FBXL19: variants seen among roughly 807,000 people sequenced by gnomAD.
FBXL19 encodes the protein F-box/LRR-repeat protein 19.
A neutral mutation model predicts 71.2 loss-of-function variants in FBXL19; 16 were observed. The observed-to-expected ratio is 0.22, with a 90% confidence interval of 0.15 to 0.34. The LOEUF is 0.34. Ranked by LOEUF, FBXL19 falls within the 10% of genes least tolerant of loss-of-function variation. FBXL19 has a pLI of 1.00. For missense variants in FBXL19, 658 were observed against 968.2 expected, an observed-to-expected ratio of 0.68 and a Z score of 4.25; for synonymous variants, 447 against 409.4, an observed-to-expected ratio of 1.09 and a Z score of -1.11.
At chr16:30,933,222 C>T (rs1042329137) in intron 7 of FBXL19, among the ~76,000 whole-genome samples, 6 of 152,104 alleles carry the variant, frequency 3.9e-5, no homozygotes, top group Non-Finnish European at 7.4e-5. Flanking sequence ...AGGCTGGTCT[C>T]GAACTCCTGA....
At chr16:30,927,490 A>G (rs12930545) in intron 3 of FBXL19, 39 bp downstream of exon 3, 958,112 of 1,568,926 alleles carry the variant, frequency 0.61, 303,475 homozygotes, top group East Asian at 0.91. Context: ...GGTGGGGCAG[A>G]TTGTCAGGGA....
chr16:30,933,697 C>T (rs1340102496), intron 7 of FBXL19, among the ~76,000 whole-genome samples: 1 of 151,454 alleles, frequency 6.6e-6, no homozygotes, highest in Non-Finnish European at 1.5e-5. Context: ...GTGATCCTTC[C>T]ACCTTGGCCT....
chr16:30,947,059 C>A lies in FBXL19; in HGVS notation c.1854C>A (p.His618Gln), dbSNP rs764224445. The A allele has an allele frequency of 6.3e-7, 1 of 1,592,878 alleles. No homozygotes were observed. Among genetic ancestry groups the A allele is most frequent in the East Asian group, 2.3e-5 (1 of 43,910 alleles). The change falls in exon 11 of 11, where the codon CAC becomes CAA. Residue 618 changes from histidine to glutamine, a missense_variant. Transcript: ENST00000338343. Reference sequence around the variant, plus strand: ...CCACTGCCCCATCCCCAGGTTGCCACCGCCTAACGGACCACTGCCTCCCGC... The same window carrying A: ...CCACTGCCCCATCCCCAGGTTGCCAACGCCTAACGGACCACTGCCTCCCGC... The part of the protein sequence containing the change: ...TLVHLNLAGC[H>Q]RLTDHCLPLF...
intron 7 of FBXL19, among the ~76,000 whole-genome samples, chr16:30,935,846 G>A (rs1444772416): frequency 1.3e-5 from 2 of 152,054 alleles, no homozygotes; most frequent in Admixed American, 1.3e-4. Context: ...ATGGGTTAGG[G>A]GACTTTGGCA....
intron 7 of FBXL19, among the ~76,000 whole-genome samples, chr16:30,936,678 C>T (rs1186350297): frequency 6.7e-6 from 1 of 148,578 alleles, no homozygotes; most frequent in Non-Finnish European, 1.5e-5. Flanking sequence ...GACCTCCTGA[C>T]CTCATGATCC....
Position 30,924,882 on chromosome 16 carries a change from G to A in FBXL19, c.-25+423G>A. On this transcript the variant is annotated intron_variant, in intron 1 of 10. Transcript: ENST00000338343. ...GGATTCTAGATGATTAGGGATGAAAGCAGCCCGGGAAGCTGGGGGTCCTAG... is the reference window on the plus strand; with the variant it reads ...GGATTCTAGATGATTAGGGATGAAAACAGCCCGGGAAGCTGGGGGTCCTAG... The A allele has an allele frequency of 5.0e-6, 4 of 807,676 alleles. No individual in the cohort carries two copies. In the South Asian group the frequency reaches 1.3e-4, roughly 27 times the overall value. 50.0% of individuals were successfully genotyped at this position (807,676 alleles called of 1,614,324 possible). A position where few individuals can be genotyped will look rare whatever the true frequency, so the allele number is the denominator to read the frequency against.
rs1326030435 is a variant in FBXL19 at position 30,946,404 on chromosome 16, A to AT, written c.1628-325dup. On this transcript the variant is annotated intron_variant, in intron 9 of 10. Transcript: ENST00000338343. The surrounding 1 kb of genome is among the most constrained non-coding windows in gnomAD (Gnocchi z 6.7). Reference sequence around the variant, plus strand: ...TGTTGAGTAGAGACAAGGTTTTGCCATGTTAGGCCAGGCTAGTCTCGAACT... The same window carrying AT: ...TGTTGAGTAGAGACAAGGTTTTGCCATTGTTAGGCCAGGCTAGTCTCGAACT... Among the ~76,000 whole-genome samples, 11 of 152,234 alleles carry AT rather than the reference A, an allele frequency of 7.2e-5. No individual in the cohort carries two copies. In the East Asian group the frequency reaches 1.9e-3, roughly 27 times the overall value.
rs777252690 is a variant in FBXL19 at position 30,927,663 on chromosome 16, G to GGGGCT, written c.408+16_408+20dup. On this transcript the variant is annotated splice_donor_region_variant and intron_variant, in intron 4 of 10. Coordinates refer to ENST00000338343, the MANE Select transcript of FBXL19 (RefSeq NM_001382779.1). ...CCAGGAAGGCCGCACCAGCAAGGTA[G>GGGGCT]GGGCTGGGCTGGGCTGAGCTGTGGG... The GGGGCT allele has an allele frequency of 3.8e-6, 6 of 1,565,130 alleles. No homozygotes were observed. Among genetic ancestry groups the GGGGCT allele is most frequent in the Middle Eastern group, 3.3e-4 (2 of 5,988 alleles).
Position 30,944,837 on chromosome 16 carries a change from C to T in FBXL19, c.1628-1893C>T, listed in dbSNP as rs186803378. Among the ~76,000 whole-genome samples the T allele has an allele frequency of 8.2e-4, 125 of 152,278 alleles. 1 individual carries two copies. The highest frequency in any genetic ancestry group is 3.0e-3 in the African/African-American group (123 of 41,530). ...AGGTATCCCCTCTCCAGGCGCTTGG[C>T]TCCTCAAAGACAGGAGGAGGGGTTA... On this transcript the variant is annotated intron_variant, in intron 9 of 10. Transcript: ENST00000338343.
rs767211251 is a variant in FBXL19 at position 30,928,531 on chromosome 16, C to T, written c.692C>T (p.Ser231Leu). ...GGAGACGCCTGCCTCCTCCGAGGAT[C>T]GGACCCAGGCGGCCCGGGCCTGCTG... ...VGGDACLLRG[S>L]DPGGPGLLPP... The change falls in exon 6 of 11, where the codon TCG becomes TTG. Residue 231 changes from serine (S) to leucine (L), a missense_variant. By Grantham distance (145) the Ser-to-Leu change is moderately radical. Coordinates refer to ENST00000338343, the MANE Select transcript of FBXL19 (RefSeq NM_001382779.1). 1.4e-5 allele frequency: 22 copies of T among 1,607,960 alleles called. No homozygotes were observed. Among genetic ancestry groups the T allele is most frequent in the South Asian group, 4.4e-5 (4 of 90,436 alleles).
intron 1 of FBXL19, among the ~76,000 whole-genome samples, chr16:30,924,999 C>A (rs2055573781): frequency 6.6e-6 from 1 of 152,116 alleles, no homozygotes; most frequent in African/African-American, 2.4e-5. Context: ...CCTGAGGGAT[C>A]CAAGAGGAGG....
rs369148968 is a variant in FBXL19 at position 30,927,943 on chromosome 16, C to G, written c.607C>G (p.Pro203Ala). 4.7e-5 allele frequency: 72 copies of G among 1,529,592 alleles called. No individual in the cohort carries two copies. Among genetic ancestry groups the G allele is most frequent in the Non-Finnish European group, 5.8e-5 (66 of 1,146,576 alleles). The allele number at this position is 1,529,592 out of a possible 1,614,324, so 94.8% of individuals were successfully genotyped here. Reference protein sequence around the residue: ...KRKEREAGNEPPTPRKKVKGG... With the variant: ...KRKEREAGNEAPTPRKKVKGG... ...AAAGGAAAGGGAGGCAGGGAATGAG[C>G]CTCCCACCCCAAGGAAAAAGGTGAG... The change falls in exon 5 of 11, where the codon CCT becomes GCT. Residue 203 changes from proline to alanine, a missense_variant. Transcript: ENST00000338343.
chr16:30,933,104 G>A (rs1024902131), intron 7 of FBXL19, among the ~76,000 whole-genome samples: 4 of 151,808 alleles, frequency 2.6e-5, no homozygotes, highest in Admixed American at 6.6e-5. Context: ...AGGTTCAAGC[G>A]ATTCTCCTGC....
intron 7 of FBXL19, among the ~76,000 whole-genome samples, chr16:30,931,008 A>G (rs1219823551): frequency 6.6e-6 from 1 of 152,058 alleles, no homozygotes; most frequent in Non-Finnish European, 1.5e-5. Flanking sequence ...TTCCGAAAAC[A>G]GTCTGACGAT....
At chr16:30,943,043 G>A (rs1481373508) in intron 9 of FBXL19, among the ~76,000 whole-genome samples, 1 of 152,228 alleles carries the variant, frequency 6.6e-6, no homozygotes, top group Non-Finnish European at 1.5e-5. Flanking sequence ...GGCAAGCGCT[G>A]GCTGGTCCCC....
At chr16:30,944,665 C>T (rs1225158794) in intron 9 of FBXL19, among the ~76,000 whole-genome samples, 4 of 152,194 alleles carry the variant, frequency 2.6e-5, no homozygotes, top group Non-Finnish European at 4.4e-5. Flanking sequence ...TCTTGCCCAG[C>T]TTAAATGCCA....
chr16:30,922,969 A>C, upstream of FBXL19: 1 of 439,336 alleles, frequency 2.3e-6, no homozygotes, highest in South Asian at 1.6e-5. Context: ...CGCCATTCTT[A>C]AGGAACACTG....
Position 30,942,566 on chromosome 16 carries a change from T to A in FBXL19, c.1627+30T>A, listed in dbSNP as rs1417872611. ...AACCTCTGTTTGCTTTTCTGGAGAA[T>A]GGGCTGGGCAAGGGTAGGGTAGGAG... On this transcript the variant is annotated intron_variant, in intron 9 of 10. Coordinates refer to ENST00000338343, the MANE Select transcript of FBXL19 (RefSeq NM_001382779.1). This position sits in a 1 kb window ranked among gnomAD's most constrained non-coding sequence, Gnocchi z 5.7. The A allele has an allele frequency of 5.8e-6, 9 of 1,546,524 alleles. No individual in the cohort carries two copies. Among genetic ancestry groups the A allele is most frequent in the Non-Finnish European group, 7.9e-6 (9 of 1,144,434 alleles).
intron 7 of FBXL19, among the ~76,000 whole-genome samples, chr16:30,935,879 G>A (rs553388723): frequency 1.3e-5 from 2 of 152,214 alleles, no homozygotes; most frequent in South Asian, 2.1e-4. Context: ...TCTCTGGGAC[G>A]ACGGCACACC....
Sources: allele counts gnomAD v4.1 joint callset (sites outside exome capture counted in the v4.1 genomes callset), GRCh38; gene constraint gnomAD v4.1.1; non-coding constraint Gnocchi (gnomAD v3.1); transcripts MANE v1.5; gene names NCBI Gene and HGNC (gene_info 2026-07-23, HGNC 2026-07-21).